Variants in GRHL2 observed in about 807,000 individuals in gnomAD.
GRHL2 encodes grainyhead-like protein 2 homolog.
In GRHL2, 21 loss-of-function variants were observed where a neutral mutation model predicts 83.8. That is an observed-to-expected ratio of 0.25 (90% CI 0.18 to 0.36). The LOEUF (loss-of-function observed/expected upper bound fraction) is 0.36. Among genes scored for constraint, GRHL2 ranks in the 10% least tolerant of loss-of-function variants. The pLI, the probability that GRHL2 is intolerant of heterozygous loss-of-function variation, is 1.00. For missense variants in GRHL2, 623 were observed against 781.8 expected, an observed-to-expected ratio of 0.80 and a Z score of 2.42; for synonymous variants, 280 against 278.9, an observed-to-expected ratio of 1.00 and a Z score of -0.04.
At chr8:101,636,955 A>C (rs368675698) in intron 12 of GRHL2, 27 bp downstream of exon 12, 1 of 1,608,090 alleles carries the variant, frequency 6.2e-7, no homozygotes, top group Non-Finnish European at 8.5e-7. Context: ...TTTCATTTCA[A>C]CACTCCAAGT....
chr8:101,513,499 G>GATTTTTTTTTT (rs1563558328), intron 1 of GRHL2, among the ~76,000 whole-genome samples: 1 of 8,610 alleles, frequency 1.2e-4, no homozygotes, highest in African/African-American at 1.8e-4. Context: ...CTATCGTTGT[G>GATTTTTTTTTT]CTTTTTTTTT....
the GRHL2 span, among the ~76,000 whole-genome samples, chr8:101,678,815 A>G: frequency 6.6e-6 from 1 of 151,786 alleles, no homozygotes; most frequent in Non-Finnish European, 1.5e-5. Flanking sequence ...GCAGGGGCAC[A>G]CTGACACCTC....
intron 1 of GRHL2, among the ~76,000 whole-genome samples, chr8:101,505,790 G>T (rs1477003431): frequency 6.6e-6 from 1 of 152,114 alleles, no homozygotes; most frequent in Non-Finnish European, 1.5e-5. Context: ...GACACAAGTC[G>T]TTTATCACTT....
chr8:101,502,512 G>A (rs370588489), intron 1 of GRHL2, among the ~76,000 whole-genome samples: 6 of 152,294 alleles, frequency 3.9e-5, no homozygotes, highest in South Asian at 2.1e-4. Flanking sequence ...TTTAACTAGC[G>A]GACTCCCGCA....
At chr8:101,625,868 A>C (rs1489895781) in intron 9 of GRHL2, among the ~76,000 whole-genome samples, 4 of 152,012 alleles carry the variant, frequency 2.6e-5, no homozygotes, top group Non-Finnish European at 2.9e-5. Context: ...AGGTAGTTAC[A>C]CATCCTGATA....
intron 1 of GRHL2, among the ~76,000 whole-genome samples, chr8:101,502,135 G>A (rs1393920285): frequency 6.6e-6 from 1 of 152,112 alleles, no homozygotes; most frequent in East Asian, 1.9e-4. Flanking sequence ...GGTAGCTTTT[G>A]CCTCTTTCCT....
At chr8:101,587,748 A>G (rs1040080988) in intron 7 of GRHL2, among the ~76,000 whole-genome samples, 1 of 152,164 alleles carries the variant, frequency 6.6e-6, no homozygotes, top group African/African-American at 2.4e-5. Flanking sequence ...TGACCAAAAA[A>G]AAACCTAGAG....
intron 9 of GRHL2, among the ~76,000 whole-genome samples, chr8:101,623,939 ACAGTAGGACAGTACG>A (rs1813019540): frequency 6.6e-6 from 1 of 151,714 alleles, no homozygotes; most frequent in Admixed American, 6.6e-5. Context: ...GTCACAGTAC[ACAGTAGGACAGTACG>A]CAGTAGGACA....
At chr8:101,542,793 G>T in intron 1 of GRHL2, 1 of 456,728 alleles carries the variant, frequency 2.2e-6, no homozygotes, top group South Asian at 1.5e-5. Context: ...AAAGATGGAA[G>T]GGTAAAGAGA....
chr8:101,585,764 A>G (rs760758541), intron 7 of GRHL2, among the ~76,000 whole-genome samples: 3 of 152,232 alleles, frequency 2.0e-5, no homozygotes, highest in Non-Finnish European at 4.4e-5. Flanking sequence ...CTGTAAATGC[A>G]AGTGTTCTCT....
At chr8:101,558,155 G>C (rs1182856957) in intron 3 of GRHL2, among the ~76,000 whole-genome samples, 1 of 152,092 alleles carries the variant, frequency 6.6e-6, no homozygotes, top group Non-Finnish European at 1.5e-5. Flanking sequence ...ATGAGGCACC[G>C]CGCCTGGCCT....
chr8:101,603,859 T>C (rs1183553077), intron 8 of GRHL2, among the ~76,000 whole-genome samples: 2 of 151,864 alleles, frequency 1.3e-5, no homozygotes, highest in Non-Finnish European at 2.9e-5. Flanking sequence ...TGTCACTGCT[T>C]GGAAATTGAT....
chr8:101,568,719 A>G (rs776402421), intron 4 of GRHL2, among the ~76,000 whole-genome samples: 1 of 152,116 alleles, frequency 6.6e-6, no homozygotes, highest in African/African-American at 2.4e-5. Flanking sequence ...GAAAATTCCC[A>G]TTGAATGCTT....
chr8:101,657,946 G>A (rs747511122), intron 14 of GRHL2, among the ~76,000 whole-genome samples: 2 of 152,188 alleles, frequency 1.3e-5, no homozygotes, highest in Non-Finnish European at 2.9e-5. Flanking sequence ...TCCATTCATA[G>A]AAGGAAGGAT....
downstream of GRHL2, among the ~76,000 whole-genome samples, chr8:101,672,206 A>G (rs1245460780): frequency 6.6e-6 from 1 of 151,786 alleles, no homozygotes. Context: ...TGGATGGGGA[A>G]TGACTTTGAC....
intron 14 of GRHL2, among the ~76,000 whole-genome samples, chr8:101,661,836 G>A (rs144879033): frequency 6.6e-6 from 1 of 152,250 alleles, no homozygotes; most frequent in African/African-American, 2.4e-5. Flanking sequence ...ACTGTCATTT[G>A]GTTTCTAGTG....
chr8:101,558,721 C>T lies in GRHL2; in HGVS notation c.587C>T (p.Ser196Leu). The T allele has an allele frequency of 1.9e-6, 3 of 1,614,120 alleles. No homozygotes were observed. The highest frequency in any genetic ancestry group is 2.5e-6 in the Non-Finnish European group (3 of 1,180,024). ...IFEQTQYDVP[S>L]LATHSAYLKD... Reference sequence around the variant, plus strand: ...GAACAGACTCAGTATGACGTGCCCTCGCTGGCCACCCACAGCGCCTATCTC... The same window carrying T: ...GAACAGACTCAGTATGACGTGCCCTTGCTGGCCACCCACAGCGCCTATCTC... Residue 196 changes from serine (S) to leucine (L), a missense_variant, in exon 4 of 16, where the codon TCG becomes TTG. By Grantham distance (145) the Ser-to-Leu change is moderately radical (BLOSUM62 -2). This residue lies in a region of GRHL2 where 239 missense variants were observed against 240.5 expected (regional missense o/e 0.99). Coordinates refer to ENST00000646743, the MANE Select transcript of GRHL2 (RefSeq NM_024915.4).
rs756526962 is a variant in GRHL2 at position 101,558,566 on chromosome 8, C to T, written c.432C>T (p.Pro144=). ...GGGAACAGTACAGCATCAGCTTCCC[C>T]GAGAGCTCTGCCATCATCCCGGTGT... ...SKREQYSISF[P]ESSAIIPVSG... is the part of the protein sequence containing the mutation. Residue 144 remains proline (P), a synonymous_variant, in exon 4 of 16, where the codon CCC becomes CCT. Coordinates refer to ENST00000646743, the MANE Select transcript of GRHL2 (RefSeq NM_024915.4). 22 of 1,613,990 alleles carry T rather than the reference C, an allele frequency of 1.4e-5. No homozygotes were observed. The highest frequency in any genetic ancestry group is 2.2e-5 in the East Asian group (1 of 44,888).
intron 1 of GRHL2, chr8:101,529,684 C>A: frequency 6.5e-6 from 1 of 154,772 alleles, no homozygotes. Flanking sequence ...CTTTTTTGCT[C>A]ATCTTGGGGC....
Sources: allele counts gnomAD v4.1 joint callset (sites outside exome capture counted in the v4.1 genomes callset), GRCh38; gene constraint gnomAD v4.1.1; regional missense constraint gnomAD v4.1.1; transcripts MANE v1.5; gene names NCBI Gene and HGNC (gene_info 2026-07-23, HGNC 2026-07-21).